SLC17A8: variants seen among roughly 807,000 people sequenced by gnomAD.
The protein encoded by SLC17A8 is vesicular glutamate transporter 3.
Under a neutral mutation model 58.0 loss-of-function variants are expected in SLC17A8, and 31 were observed. That is an observed-to-expected ratio of 0.53 (90% CI 0.40 to 0.72). The LOEUF (loss-of-function observed/expected upper bound fraction) is 0.72, where lower values mean the gene tolerates loss of function less well. Ranked by LOEUF, SLC17A8 falls within the 30% of genes least tolerant of loss-of-function variation. The pLI, the probability that SLC17A8 is intolerant of heterozygous loss-of-function variation, is 0.00. For synonymous variants in SLC17A8, 228 were observed against 249.0 expected, an observed-to-expected ratio of 0.92 and a Z score of 0.79; for missense variants, 655 against 727.8, an observed-to-expected ratio of 0.90 and a Z score of 1.15.
intron 1 of SLC17A8, among the ~76,000 whole-genome samples, chr12:100,377,733 C>T (rs551065047): frequency 6.6e-5 from 10 of 151,876 alleles, no homozygotes; most frequent in East Asian, 1.9e-4. Flanking sequence ...GGACTACAGG[C>T]GCGTGCCACC....
intron 1 of SLC17A8, among the ~76,000 whole-genome samples, chr12:100,380,389 T>C (rs1308892839): frequency 6.6e-6 from 1 of 151,908 alleles, no homozygotes; most frequent in Non-Finnish European, 1.5e-5. Flanking sequence ...ATCTATAAAA[T>C]GACATGATGA....
At chr12:100,388,051 A>G (rs1278010741) in intron 2 of SLC17A8, among the ~76,000 whole-genome samples, 1 of 152,130 alleles carries the variant, frequency 6.6e-6, no homozygotes, top group East Asian at 1.9e-4. Context: ...ATTACCCTCC[A>G]GCTGTACTGA....
chr12:100,398,172 G>T (rs966907848), intron 5 of SLC17A8, among the ~76,000 whole-genome samples: 4 of 152,118 alleles, frequency 2.6e-5, no homozygotes, highest in African/African-American at 9.7e-5. Context: ...TGAGAATGTG[G>T]TGTGAGGTAT....
Position 100,380,760 on chromosome 12 carries a change from C to T in SLC17A8, c.161C>T (p.Pro54Leu), listed in dbSNP as rs372830647. The T allele has an allele frequency of 2.6e-5, 42 of 1,613,892 alleles. No individual in the cohort carries two copies. The highest frequency in any genetic ancestry group is 3.1e-5 in the Non-Finnish European group (37 of 1,180,002). Residue 54 changes from proline (P) to leucine (L), a missense_variant, in exon 2 of 12, where the codon CCG (proline) becomes CTG (leucine). Pro to Leu is a moderately conservative substitution (Grantham distance 98, BLOSUM62 -3). Coordinates refer to ENST00000323346, the MANE Select transcript of SLC17A8 (RefSeq NM_139319.3). ...DNIELNEEGR[P>L]VQTSRPSPPL... is the part of the protein sequence containing the mutation. Reference sequence around the variant, plus strand: ...ATTGAGCTGAATGAAGAAGGAAGGCCGGTGCAGACGTCCAGGCCAAGCCCC... The same window carrying T: ...ATTGAGCTGAATGAAGAAGGAAGGCTGGTGCAGACGTCCAGGCCAAGCCCC...
intron 9 of SLC17A8, among the ~76,000 whole-genome samples, chr12:100,411,145 G>C (rs1952864656): frequency 6.6e-6 from 1 of 152,160 alleles, no homozygotes; most frequent in Non-Finnish European, 1.5e-5. Context: ...GTGATGGTTT[G>C]CTTGTTTGTT....
intron 1 of SLC17A8, among the ~76,000 whole-genome samples, chr12:100,372,306 T>C (rs533820613): frequency 6.6e-6 from 1 of 152,286 alleles, no homozygotes; most frequent in Middle Eastern, 3.4e-3. Flanking sequence ...CTTTCCTCTA[T>C]GCATATGCAT....
chr12:100,395,655 C>T (rs1340878611), intron 4 of SLC17A8, among the ~76,000 whole-genome samples: 1 of 151,370 alleles, frequency 6.6e-6, no homozygotes, highest in Non-Finnish European at 1.5e-5. Flanking sequence ...CTCTGTTGCC[C>T]AGGCTGAAGT....
chr12:100,417,037 C>A (rs1952911049), intron 10 of SLC17A8, among the ~76,000 whole-genome samples: 1 of 152,210 alleles, frequency 6.6e-6, no homozygotes, highest in South Asian at 2.1e-4. Flanking sequence ...TCCCAAGTAG[C>A]TGGGATTACA....
chr12:100,358,360 C>T (rs1324484028), intron 1 of SLC17A8, among the ~76,000 whole-genome samples: 2 of 152,060 alleles, frequency 1.3e-5, no homozygotes, highest in Admixed American at 6.6e-5. Flanking sequence ...AGTGAAAATG[C>T]CATCTGGTGT....
At chr12:100,419,524 C>T (rs1952931829) in intron 11 of SLC17A8, among the ~76,000 whole-genome samples, 1 of 148,540 alleles carries the variant, frequency 6.7e-6, no homozygotes, top group Non-Finnish European at 1.5e-5. Context: ...CAGAGCGAGA[C>T]TCCATCTCAA....
At chr12:100,392,267 G>C (rs1319406072) in intron 3 of SLC17A8, among the ~76,000 whole-genome samples, 4 of 151,398 alleles carry the variant, frequency 2.6e-5, no homozygotes, top group African/African-American at 4.9e-5. Flanking sequence ...ATTTACCAAT[G>C]AGCATTTTTA....
intron 10 of SLC17A8, among the ~76,000 whole-genome samples, chr12:100,413,465 A>T (rs562477137): frequency 6.6e-6 from 1 of 152,270 alleles, no homozygotes; most frequent in African/African-American, 2.4e-5. Flanking sequence ...TGTGCCAGGG[A>T]ATATTCCATG....
chr12:100,401,648 T>A, intron 5 of SLC17A8, 129 bp from the exon 6 acceptor site: 1 of 802,186 alleles, frequency 1.2e-6, no homozygotes, highest in Admixed American at 1.8e-5. Context: ...AGTTTGCCTG[T>A]CTCTGCACGG....
chr12:100,417,329 C>T (rs1386008473), intron 10 of SLC17A8, among the ~76,000 whole-genome samples: 1 of 152,198 alleles, frequency 6.6e-6, no homozygotes, highest in Non-Finnish European at 1.5e-5. Flanking sequence ...GCTTCACATA[C>T]CTATTTCCCC....
At position 100,396,324 on chromosome 12, in the gene SLC17A8, T is replaced by C. The variant is rs1952753526; in HGVS notation, c.589-6T>C. 6.2e-6 allele frequency: 10 copies of C among 1,612,792 alleles called. No individual in the cohort carries two copies. The highest frequency in any genetic ancestry group is 6.8e-6 in the Non-Finnish European group (8 of 1,178,874). Reference sequence around the variant, plus strand: ...TCAACTAATCTATTTTCAACTCTTCTGCCAGGGTGTGACCTACCCAGCCTG... The same window carrying C: ...TCAACTAATCTATTTTCAACTCTTCCGCCAGGGTGTGACCTACCCAGCCTG... On this transcript the variant is annotated splice_region_variant and splice_polypyrimidine_tract_variant and intron_variant, in intron 4 of 11. Transcript: ENST00000323346.
Position 100,419,924 on chromosome 12 carries a change from C to T in SLC17A8, c.1535C>T (p.Pro512Leu), listed in dbSNP as rs1263352539. ...GGGGAGAAACAGGAGTGGGCTGACCCAGAGAATCTCTCTGAGGAGAAATGT... is the reference window on the plus strand; with the variant it reads ...GGGGAGAAACAGGAGTGGGCTGACCTAGAGAATCTCTCTGAGGAGAAATGT... ...ASGEKQEWADPENLSEEKCGI... is the reference protein window; with the variant it reads ...ASGEKQEWADLENLSEEKCGI... Residue 512 changes from proline (P) to leucine (L), a missense_variant, in exon 12 of 12, where the codon CCA becomes CTA. By Grantham distance (98) the Pro-to-Leu change is moderately conservative (BLOSUM62 -3). Coordinates refer to ENST00000323346, the MANE Select transcript of SLC17A8 (RefSeq NM_139319.3). The T allele has an allele frequency of 6.2e-7, 1 of 1,613,930 alleles. No homozygotes were observed. Among genetic ancestry groups the T allele is most frequent in the Non-Finnish European group, 8.5e-7 (1 of 1,180,052 alleles).
chr12:100,382,858 C>A (rs1232030310), intron 2 of SLC17A8, among the ~76,000 whole-genome samples: 2 of 152,160 alleles, frequency 1.3e-5, no homozygotes, highest in African/African-American at 4.8e-5. Context: ...CAAAAGAAGT[C>A]TTTAGTTGGT....
intron 1 of SLC17A8, among the ~76,000 whole-genome samples, chr12:100,365,343 T>C (rs1952512654): frequency 6.6e-6 from 1 of 152,192 alleles, no homozygotes; most frequent in African/African-American, 2.4e-5. Context: ...ATTTCTCCTA[T>C]TGAGTTTTGC....
intron 2 of SLC17A8, among the ~76,000 whole-genome samples, chr12:100,385,615 G>A (rs544464393): frequency 6.6e-6 from 1 of 152,276 alleles, no homozygotes; most frequent in African/African-American, 2.4e-5. Flanking sequence ...GGGGGAAGGT[G>A]CAATCCTCTC....
Sources: allele counts gnomAD v4.1 joint callset (sites outside exome capture counted in the v4.1 genomes callset), GRCh38; gene constraint gnomAD v4.1.1; transcripts MANE v1.5; gene names NCBI Gene and HGNC (gene_info 2026-07-23, HGNC 2026-07-21).